Variants in RANBP2 observed in about 807,000 individuals in gnomAD.
RANBP2 encodes the protein RAN binding protein 2, also known as E3 SUMO-protein ligase RanBP2.
In RANBP2, 57 loss-of-function variants were observed where a neutral mutation model predicts 303.6. That is an observed-to-expected ratio of 0.19 (90% CI 0.15 to 0.23). The LOEUF (loss-of-function observed/expected upper bound fraction) is 0.23. Ranked by LOEUF, RANBP2 falls within the 10% of genes least tolerant of loss-of-function variation. The pLI, the probability that RANBP2 is intolerant of heterozygous loss-of-function variation, is 1.00. For synonymous variants in RANBP2, 1,167 were observed against 1,301.5 expected, an observed-to-expected ratio of 0.90 and a Z score of 2.23; for missense variants, 3,138 against 3,780.8, an observed-to-expected ratio of 0.83 and a Z score of 4.46.
chr2:109,509,911 C>G, the RANBP2 span, among the ~76,000 whole-genome samples: 1 of 152,124 alleles, frequency 6.6e-6, no homozygotes, highest in Non-Finnish European at 1.5e-5. Context: ...ATCAAAATAA[C>G]TAGGCGATAG....
At chr2:108,884,713 C>T in the RANBP2 span, 2 of 152,132 alleles carry the variant, frequency 1.3e-5, no homozygotes, top group Non-Finnish European at 2.9e-5. Flanking sequence ...TTGTGTCCTC[C>T]CGGATAGGAC....
chr2:108,730,189 A>G (rs1695056614), intron 2 of RANBP2, among the ~76,000 whole-genome samples: 1 of 135,432 alleles, frequency 7.4e-6, no homozygotes, highest in South Asian at 2.3e-4. Context: ...CTCTGATCGT[A>G]ATACTGTCAA....
At chr2:108,786,684 G>A (rs1380778397), downstream of RANBP2, 2 of 760,444 alleles carry the variant, frequency 2.6e-6, no homozygotes, top group Non-Finnish European at 4.4e-6. Flanking sequence ...TCTCCGGGTC[G>A]CCCCGCCCCG....
chr2:109,513,484 C>CCACATGCACACA, the RANBP2 span, among the ~76,000 whole-genome samples: 1 of 147,918 alleles, frequency 6.8e-6, no homozygotes, highest in Non-Finnish European at 1.5e-5. Flanking sequence ...TGTACACACA[C>CCACATGCACACA]CACATGTACA....
the RANBP2 span, among the ~76,000 whole-genome samples, chr2:109,577,017 T>C: frequency 6.6e-6 from 1 of 151,548 alleles, no homozygotes; most frequent in African/African-American, 2.4e-5. Context: ...TTAGAAATAA[T>C]AAAAACCCAG....
chr2:109,377,438 C>T, the RANBP2 span, among the ~76,000 whole-genome samples: 1 of 152,066 alleles, frequency 6.6e-6, no homozygotes, highest in African/African-American at 2.4e-5. Flanking sequence ...CCCTAGGATC[C>T]GGGGAAGAAG....
the RANBP2 span, among the ~76,000 whole-genome samples, chr2:108,828,774 C>G: frequency 6.6e-6 from 1 of 152,056 alleles, no homozygotes; most frequent in East Asian, 1.9e-4. Context: ...GTCAGGAGTT[C>G]GAGACCAGCC....
chr2:108,931,844 T>C, the RANBP2 span, among the ~76,000 whole-genome samples: 1 of 152,184 alleles, frequency 6.6e-6, no homozygotes, highest in Non-Finnish European at 1.5e-5. Context: ...AGAGATAATG[T>C]GCTCTAGTGA....
chr2:109,200,247 C>T, the RANBP2 span, among the ~76,000 whole-genome samples: 13 of 152,062 alleles, frequency 8.5e-5, no homozygotes, highest in South Asian at 2.1e-4. Context: ...CTATCCTGCA[C>T]CTGTAGTTGG....
chr2:109,298,619 G>A, the RANBP2 span, among the ~76,000 whole-genome samples: 1 of 152,080 alleles, frequency 6.6e-6, no homozygotes, highest in Non-Finnish European at 1.5e-5. Context: ...TGAAAGGGGT[G>A]TCAGTCAAAT....
the RANBP2 span, among the ~76,000 whole-genome samples, chr2:108,820,699 C>CAAAAA: frequency 1.1e-3 from 68 of 62,474 alleles, no homozygotes; most frequent in Middle Eastern, 0.014. Context: ...ATTCAAAGTG[C>CAAAAA]AAAAAAAAAA....
the RANBP2 span, among the ~76,000 whole-genome samples, chr2:109,344,589 G>A: frequency 6.6e-6 from 1 of 152,234 alleles, no homozygotes; most frequent in Non-Finnish European, 1.5e-5. Context: ...TGGGCATCCA[G>A]CCCATGACAG....
At chr2:109,660,254 A>T in the RANBP2 span, among the ~76,000 whole-genome samples, 5 of 151,998 alleles carry the variant, frequency 3.3e-5, no homozygotes, top group African/African-American at 1.2e-4. Context: ...CTGATTGGTC[A>T]CCTCCTGCAA....
chr2:109,080,539 A>T, the RANBP2 span, among the ~76,000 whole-genome samples: 11 of 152,148 alleles, frequency 7.2e-5, no homozygotes, highest in African/African-American at 2.7e-4. Context: ...GCTCTCATCT[A>T]TCTCACTGTC....
At chr2:109,561,037 A>G in the RANBP2 span, among the ~76,000 whole-genome samples, 1 of 151,996 alleles carries the variant, frequency 6.6e-6, no homozygotes, top group Non-Finnish European at 1.5e-5. Context: ...TAAAATGCAA[A>G]TATTATATTA....
the RANBP2 span, among the ~76,000 whole-genome samples, chr2:108,911,907 A>G: frequency 6.6e-6 from 1 of 152,190 alleles, no homozygotes; most frequent in Non-Finnish European, 1.5e-5. Flanking sequence ...TCTGGGGAAT[A>G]CCTGTAATAG....
At chr2:108,910,929 G>A in the RANBP2 span, 2 of 1,614,108 alleles carry the variant, frequency 1.2e-6, no homozygotes, top group Non-Finnish European at 1.7e-6. Context: ...CAGGGCACCG[G>A]CGCATGGGGG....
the RANBP2 span, among the ~76,000 whole-genome samples, chr2:109,695,477 T>C: frequency 6.6e-6 from 1 of 152,320 alleles, no homozygotes; most frequent in Non-Finnish European, 1.5e-5. Context: ...CTGCTTCCCA[T>C]GGGTCCTGTC....
chr2:109,697,118 A>G, the RANBP2 span, among the ~76,000 whole-genome samples: 1 of 152,188 alleles, frequency 6.6e-6, no homozygotes, highest in Non-Finnish European at 1.5e-5. Flanking sequence ...AGTGTCTTGA[A>G]GTTTTCAATG....
Sources: gnomAD v4.1 joint callset for allele counts (sites outside exome capture counted in the v4.1 genomes callset) on GRCh38, gnomAD v4.1.1 for gene constraint, MANE v1.5 for transcripts, NCBI Gene and HGNC (gene_info 2026-07-23, HGNC 2026-07-21) for gene names.